The following CFAP61 variants were observed in gnomAD, a reference collection of about 807,000 sequenced individuals.
The protein encoded by CFAP61 is cilia and flagella associated protein 61.
CFAP61 carries 107 observed loss-of-function variants against 135.6 expected under a neutral mutation model. That is an observed-to-expected ratio of 0.79 (90% CI 0.67 to 0.93). CFAP61 has a LOEUF of 0.93. Among genes scored for constraint, CFAP61 ranks in the 40% least tolerant of loss-of-function variants. The probability of loss-of-function intolerance (pLI) is 0.00; values close to 1 mark genes in which losing one functional copy is unlikely to be tolerated. For missense variants in CFAP61, 1,507 were observed against 1,556.2 expected, an observed-to-expected ratio of 0.97 and a Z score of 0.53; for synonymous variants, 575 against 578.5, an observed-to-expected ratio of 0.99 and a Z score of 0.09.
intron 22 of CFAP61, among the ~76,000 whole-genome samples, chr20:20,277,883 T>C (rs73116409): frequency 2.7e-3 from 417 of 152,302 alleles, no homozygotes; most frequent in Non-Finnish European, 5.0e-3. Context: ...GGCCCCTTCA[T>C]GGGACTGGCT....
intron 6 of CFAP61, among the ~76,000 whole-genome samples, chr20:20,081,291 A>G (rs2046412149): frequency 6.6e-6 from 1 of 152,208 alleles, no homozygotes; most frequent in African/African-American, 2.4e-5. Context: ...GTATTTTCTT[A>G]AGTTTTAGTC....
chr20:20,251,863 C>T (rs914736905), intron 20 of CFAP61, 100 bp downstream of exon 20: 26 of 1,241,352 alleles, frequency 2.1e-5, no homozygotes, highest in African/African-American at 1.9e-4. Context: ...TAAAGAGCAT[C>T]CCTCTGCCTG....
At chr20:20,242,561 G>A (rs1402051923) in intron 18 of CFAP61, among the ~76,000 whole-genome samples, 5 of 152,212 alleles carry the variant, frequency 3.3e-5, no homozygotes, top group Admixed American at 2.6e-4. Context: ...CTGCTTATGA[G>A]CTTTGTAACC....
At chr20:20,088,664 G>A (rs1335699497) in intron 6 of CFAP61, among the ~76,000 whole-genome samples, 3 of 152,090 alleles carry the variant, frequency 2.0e-5, no homozygotes, top group African/African-American at 7.2e-5. Context: ...CATATCAAGA[G>A]GTTAACAAGA....
chr20:20,280,297 C>T (rs1255590534), intron 22 of CFAP61, among the ~76,000 whole-genome samples: 1 of 152,118 alleles, frequency 6.6e-6, no homozygotes, highest in African/African-American at 2.4e-5. Context: ...TTGCTAGCAA[C>T]CGTCAGGAAG....
intron 26 of CFAP61, among the ~76,000 whole-genome samples, chr20:20,353,722 A>G (rs1469933162): frequency 6.6e-6 from 1 of 152,188 alleles, no homozygotes; most frequent in African/African-American, 2.4e-5. Context: ...TGACCAAAAG[A>G]TATATTTAAA....
intron 8 of CFAP61, among the ~76,000 whole-genome samples, chr20:20,105,351 A>G (rs988377664): frequency 6.6e-6 from 1 of 152,102 alleles, no homozygotes; most frequent in African/African-American, 2.4e-5. Flanking sequence ...TCTGGGGCCC[A>G]TTATAGCTCT....
At chr20:20,092,778 C>A (rs533458352) in intron 7 of CFAP61, among the ~76,000 whole-genome samples, 2 of 152,146 alleles carry the variant, frequency 1.3e-5, no homozygotes, top group Non-Finnish European at 1.5e-5. Flanking sequence ...CAAATCAAAA[C>A]CACACTAAGA....
At chr20:20,074,722 C>G (rs951366514) in intron 4 of CFAP61, among the ~76,000 whole-genome samples, 1 of 152,160 alleles carries the variant, frequency 6.6e-6, no homozygotes, top group African/African-American at 2.4e-5. Context: ...TGTTTATTAA[C>G]ATGACAGACT....
intron 20 of CFAP61, among the ~76,000 whole-genome samples, chr20:20,256,571 T>G (rs2051602505): frequency 6.6e-6 from 1 of 151,982 alleles, no homozygotes; most frequent in South Asian, 2.1e-4. Context: ...AAGAAAAAAT[T>G]AAAATGAAAT....
chr20:20,147,936 G>A (rs1486940209), intron 9 of CFAP61, among the ~76,000 whole-genome samples: 7 of 152,132 alleles, frequency 4.6e-5, no homozygotes. Context: ...CATAAGGTGA[G>A]AGATGAGTAT....
chr20:20,073,592 A>C (rs572063521), intron 3 of CFAP61, among the ~76,000 whole-genome samples: 1 of 152,372 alleles, frequency 6.6e-6, no homozygotes, highest in African/African-American at 2.4e-5. Context: ...TCATAAGCAC[A>C]GGGGTACCGA....
At chr20:20,229,430 C>T (rs1420638052) in intron 18 of CFAP61, among the ~76,000 whole-genome samples, 4 of 152,154 alleles carry the variant, frequency 2.6e-5, no homozygotes, top group Admixed American at 6.5e-5. Flanking sequence ...ATCTTTTGCT[C>T]AGGATCACAT....
chr20:20,104,973 C>T (rs905680932), intron 8 of CFAP61, among the ~76,000 whole-genome samples: 1 of 152,142 alleles, frequency 6.6e-6, no homozygotes, highest in Non-Finnish European at 1.5e-5. Context: ...CAAATACAGT[C>T]CCATTCTGAG....
At chr20:20,139,810 G>A (rs1392230890) in intron 8 of CFAP61, among the ~76,000 whole-genome samples, 1 of 152,148 alleles carries the variant, frequency 6.6e-6, no homozygotes, top group African/African-American at 2.4e-5. Context: ...TAAGTCACCA[G>A]GATTATTAGT....
intron 17 of CFAP61, among the ~76,000 whole-genome samples, chr20:20,219,778 T>C (rs2048275605): frequency 6.6e-6 from 1 of 152,236 alleles, no homozygotes; most frequent in African/African-American, 2.4e-5. Context: ...AAATGTGTAT[T>C]ATAAACTTAT....
intron 9 of CFAP61, among the ~76,000 whole-genome samples, chr20:20,149,734 A>G (rs908041729): frequency 6.6e-6 from 1 of 152,200 alleles, no homozygotes; most frequent in Non-Finnish European, 1.5e-5. Flanking sequence ...ATCCCTGACT[A>G]TATCTCACAG....
At chr20:20,200,880 G>T in intron 17 of CFAP61, 1 of 985,346 alleles carries the variant, frequency 1.0e-6, no homozygotes, top group Non-Finnish European at 1.2e-6. Flanking sequence ...CAACTCAGAG[G>T]CAGCTTTGCG....
chr20:20,106,821 A>G (rs1451551859), intron 8 of CFAP61, among the ~76,000 whole-genome samples: 3 of 152,078 alleles, frequency 2.0e-5, no homozygotes, highest in East Asian at 3.9e-4. Flanking sequence ...CCATTTTCAG[A>G]TGGAAGGCTG....
Sources: allele counts gnomAD v4.1 joint callset (sites outside exome capture counted in the v4.1 genomes callset), GRCh38; gene constraint gnomAD v4.1.1; transcripts MANE v1.5; gene names NCBI Gene and HGNC (gene_info 2026-07-23, HGNC 2026-07-21).